The following IL6ST variants were observed in gnomAD, a reference collection of about 807,000 sequenced individuals.
IL6ST encodes the protein interleukin 6 cytokine family signal transducer.
Under a neutral mutation model 91.3 loss-of-function variants are expected in IL6ST, and 24 were observed. The observed-to-expected ratio is 0.26, with a 90% CI of 0.19 to 0.37. The LOEUF (loss-of-function observed/expected upper bound fraction) is 0.37. Ranked by LOEUF, IL6ST falls within the 10% of genes least tolerant of loss-of-function variation. The pLI is 1.00. For synonymous variants in IL6ST, 351 were observed against 373.6 expected (o/e 0.94, Z 0.70); for missense variants, 914 against 1,078.5 (o/e 0.85, Z 2.14).
At chr5:55,983,221 A>C (rs759206594) in intron 1 of IL6ST, among the ~76,000 whole-genome samples, 17 of 152,112 alleles carry the variant, frequency 1.1e-4, no homozygotes, top group Non-Finnish European at 2.1e-4. Context: ...CTGAGCTCAA[A>C]GGGATCTGCC....
intron 8 of IL6ST, 51 bp from the exon 9 acceptor site, chr5:55,957,342 T>A: frequency 2.2e-6 from 2 of 923,972 alleles, no homozygotes; most frequent in Non-Finnish European, 1.7e-6. Flanking sequence ...AACAGTAAAA[T>A]AAAATTCTGC....
chr5:55,952,501 G>C (rs965508747), intron 11 of IL6ST, 150 bp from the exon 12 acceptor site: 1 of 524,692 alleles, frequency 1.9e-6, no homozygotes, highest in Non-Finnish European at 3.4e-6. Flanking sequence ...TTGTGTACTG[G>C]ATTCAAGCTT....
intron 11 of IL6ST, among the ~76,000 whole-genome samples, chr5:55,954,066 T>G (rs1042530838): frequency 4.6e-5 from 7 of 152,166 alleles, no homozygotes; most frequent in African/African-American, 1.4e-4. Flanking sequence ...TTTAATTTGA[T>G]AAAGTCAGTA....
intron 1 of IL6ST, among the ~76,000 whole-genome samples, chr5:55,993,029 C>T (rs2111962544): frequency 6.6e-6 from 1 of 152,350 alleles, no homozygotes; most frequent in South Asian, 2.1e-4. Flanking sequence ...ATAGGAACCT[C>T]AACTCTGATC....
Position 55,968,309 on chromosome 5 carries a change from T to G in IL6ST, c.458A>C (p.His153Pro). 6.3e-7 allele frequency: 1 copy of G among 1,599,130 alleles called. No individual in the cohort carries two copies. Among genetic ancestry groups the G allele is most frequent in the Non-Finnish European group, 8.5e-7 (1 of 1,175,372 alleles). ...RCEWDGGRET[H>P]LETNFTLKSE... ...TTTTAAAGTGAAGTTTGTCTCCAAG[T>G]GTGTTTCCCTTCCACCATCCCACTC... is the stretch of plus-strand genomic sequence containing the variant. The change falls in exon 5 of 17, where the codon CAC (histidine) becomes CCC (proline). Residue 153 changes from histidine (H) to proline (P), a missense_variant. Coordinates refer to ENST00000381298, the MANE Select transcript of IL6ST (RefSeq NM_002184.4).
chr5:55,948,036 T>A (rs534915995), intron 14 of IL6ST, among the ~76,000 whole-genome samples: 1 of 152,326 alleles, frequency 6.6e-6, no homozygotes, highest in African/African-American at 2.4e-5. Flanking sequence ...AAAACATAAT[T>A]GAACTACACA....
At chr5:55,988,460 A>G (rs1754115652) in intron 1 of IL6ST, among the ~76,000 whole-genome samples, 1 of 152,190 alleles carries the variant, frequency 6.6e-6, no homozygotes, top group South Asian at 2.1e-4. Context: ...ACAGTCAAAC[A>G]AAACATCATC....
chr5:55,957,394 A>G (rs1446375499), intron 8 of IL6ST, 103 bp from the exon 9 acceptor site: 1 of 567,858 alleles, frequency 1.8e-6, no homozygotes, highest in African/African-American at 2.0e-5. Context: ...TTGCCCTCCA[A>G]TTGCATGGTG....
Position 55,956,101 on chromosome 5 carries a change from T to A in IL6ST, c.1191A>T (p.Leu397=). Residue 397 remains leucine (L), a synonymous_variant, in exon 10 of 17, where the codon CTA becomes CTT. Coordinates refer to ENST00000381298, the MANE Select transcript of IL6ST (RefSeq NM_002184.4). The stretch of plus-strand genomic sequence containing the variant: ...CAAGATTTCTTACTGTTAGGGTTGC[T>A]AGATAGCGATCATTTGTGAGATTTA... ...LTVNLTNDRY[L]ATLTVRNLVG... 6.2e-7 allele frequency: 1 copy of A among 1,613,484 alleles called. No homozygotes were observed.
At chr5:55,964,086 A>T in intron 6 of IL6ST, 60 bp downstream of exon 6, 1 of 802,146 alleles carries the variant, frequency 1.2e-6, no homozygotes, top group South Asian at 3.2e-5. Flanking sequence ...TATAAAAACT[A>T]CTTTAATTTG....
chr5:55,985,453 G>T (rs1052991472), intron 1 of IL6ST, among the ~76,000 whole-genome samples: 1 of 151,450 alleles, frequency 6.6e-6, no homozygotes, highest in East Asian at 1.9e-4. Context: ...GGAGGCAGAG[G>T]AGGCTGCAAG....
At chr5:55,959,053 A>T (rs1422642167) in intron 8 of IL6ST, among the ~76,000 whole-genome samples, 1 of 152,114 alleles carries the variant, frequency 6.6e-6, no homozygotes, top group Non-Finnish European at 1.5e-5. Context: ...ATGAGCTGGA[A>T]ATATTTCCTA....
intron 1 of IL6ST, among the ~76,000 whole-genome samples, chr5:55,989,571 A>G (rs1048232869): frequency 3.3e-5 from 5 of 152,246 alleles, no homozygotes; most frequent in African/African-American, 9.6e-5. Flanking sequence ...AGGTTTACAG[A>G]GCACTTTGAT....
chr5:55,962,975 A>C (rs1442886963), intron 7 of IL6ST, among the ~76,000 whole-genome samples: 1 of 152,028 alleles, frequency 6.6e-6, no homozygotes, highest in African/African-American at 2.4e-5. Context: ...AATTTTAAAA[A>C]GCCAGGTGTG....
rs544337660 is a variant in IL6ST, at chr5:55,966,111, AAC to A, written c.492-1801_492-1800del. 2.3e-3 allele frequency among the ~76,000 whole-genome samples: 346 copies of A among 152,328 alleles called. 1 individual carries two copies. The highest frequency in any genetic ancestry group is 7.4e-3 in the African/African-American group (306 of 41,570). On this transcript the variant is annotated intron_variant, in intron 5 of 16. Coordinates refer to ENST00000381298, the MANE Select transcript of IL6ST (RefSeq NM_002184.4). The stretch of plus-strand genomic sequence containing the variant: ...TCTTTAAGTATTTCAGCTAAAACAA[AAC>A]ACAGAATACCATAGTTTTGTAATTT...
At position 55,982,761 on chromosome 5, in the gene IL6ST, T is replaced by C. The variant is rs543727390; in HGVS notation, c.-53A>G. 3.5e-5 allele frequency: 14 copies of C among 398,282 alleles called. No individual in the cohort carries two copies. Among genetic ancestry groups the C allele is most frequent in the Non-Finnish European group, 5.8e-5 (13 of 225,968 alleles). 24.7% of individuals were successfully genotyped at this position (398,282 alleles called of 1,614,324 possible). Reference sequence around the variant, plus strand: ...ATTAGTAAGTGAAGGAGTAGGGATTTGAAGCTAAGTCTTCTACTTCTAAAT... The same window carrying C: ...ATTAGTAAGTGAAGGAGTAGGGATTCGAAGCTAAGTCTTCTACTTCTAAAT... On this transcript the variant is annotated 5_prime_UTR_variant, in exon 2 of 17. Coordinates refer to ENST00000381298, the MANE Select transcript of IL6ST (RefSeq NM_002184.4).
rs758385880 is a variant in IL6ST at position 55,976,283 on chromosome 5, C to A, written c.-5G>T. On this transcript the variant is annotated 5_prime_UTR_variant, in exon 3 of 17. Transcript: ENST00000381298. The stretch of plus-strand genomic sequence containing the variant: ...CCAAGTCTGCAACGTCAACATCTTG[C>A]GCGGATATTTCTGCAACAGACACAT... 2 of 1,576,606 alleles carry A rather than the reference C, an allele frequency of 1.3e-6. No individual in the cohort carries two copies. Among genetic ancestry groups the A allele is most frequent in the Non-Finnish European group, 8.6e-7 (1 of 1,159,692 alleles).
At chr5:55,969,512 C>A in intron 4 of IL6ST, 38 bp downstream of exon 4, 1 of 1,386,836 alleles carries the variant, frequency 7.2e-7, no homozygotes, top group South Asian at 1.2e-5. Flanking sequence ...GTTCAATAGT[C>A]ATGACAAAGT....
In IL6ST at chr5:55,936,353, T is replaced by G. The variant is rs935561329; in HGVS notation, c.*4729A>C. 78 of 212,324 alleles carry G rather than the reference T, an allele frequency of 3.7e-4. No homozygotes were observed. Among genetic ancestry groups the G allele is most frequent in the Non-Finnish European group, 4.7e-4 (50 of 105,908 alleles). 13.2% of individuals were successfully genotyped at this position (212,324 alleles called of 1,614,324 possible). A position where few individuals can be genotyped will look rare whatever the true frequency, so the allele number is the denominator to read the frequency against. On this transcript the variant is annotated 3_prime_UTR_variant, in exon 17 of 17. Coordinates refer to ENST00000381298, the MANE Select transcript of IL6ST (RefSeq NM_002184.4). ...GACAACCAAGTAGGTTTTTTTTTTTTTTTTTTTTTTTAATGTCCACTAGGA... is the reference window on the plus strand; with the variant it reads ...GACAACCAAGTAGGTTTTTTTTTTTGTTTTTTTTTTTAATGTCCACTAGGA...
Sources: gnomAD v4.1 joint callset for allele counts (sites outside exome capture counted in the v4.1 genomes callset) on GRCh38, gnomAD v4.1.1 for gene constraint, MANE v1.5 for transcripts, NCBI Gene and HGNC (gene_info 2026-07-23, HGNC 2026-07-21) for gene names.